The following EXT1 variants were observed in gnomAD, a reference collection of about 807,000 sequenced individuals.
EXT1 encodes the protein exostosin glycosyltransferase 1, also known as exostosin-1.
EXT1 carries 20 observed loss-of-function variants against 82.5 expected under a neutral mutation model. The observed-to-expected ratio is 0.24, with a 90% CI of 0.17 to 0.35. EXT1 has a LOEUF of 0.35. Ranked by LOEUF, EXT1 falls within the 10% of genes least tolerant of loss-of-function variation. The pLI is 1.00. For missense variants in EXT1, 757 were observed against 936.5 expected, an observed-to-expected ratio of 0.81 and a Z score of 2.50; for synonymous variants, 348 against 350.8, an observed-to-expected ratio of 0.99 and a Z score of 0.09.
intron 1 of EXT1, among the ~76,000 whole-genome samples, chr8:118,041,314 A>T (rs1303693005): frequency 6.6e-6 from 1 of 152,200 alleles, no homozygotes; most frequent in African/African-American, 2.4e-5. Context: ...CAACTCCCAT[A>T]TACAACCAGT....
Position 117,933,153 on chromosome 8 carries a change from T to C in EXT1, c.963-95952A>G, listed in dbSNP as rs534916071. Among the ~76,000 whole-genome samples, 6 of 152,346 alleles carry C rather than the reference T, an allele frequency of 3.9e-5. 1 individual carries two copies. The Middle Eastern group carries it at 0.01, about 259-fold the overall frequency. ...CTCTTGAAGAGGTCTTCTGGTCTTT[T>C]AGAACCAGTCAGTTTCTAGCATTCA... is the stretch of plus-strand genomic sequence containing the variant. On this transcript the variant is annotated intron_variant, in intron 1 of 10. Transcript: ENST00000378204.
intron 1 of EXT1, among the ~76,000 whole-genome samples, chr8:118,081,687 G>A (rs187029497): frequency 1.2e-3 from 180 of 152,290 alleles, no homozygotes; most frequent in Admixed American, 1.9e-3. Context: ...GGGAAAAGGG[G>A]ATTACAAAGA....
At chr8:117,974,512 G>A (rs942989721) in intron 1 of EXT1, among the ~76,000 whole-genome samples, 4 of 152,204 alleles carry the variant, frequency 2.6e-5, no homozygotes, top group Admixed American at 2.6e-4. Context: ...CTGTTGCCCA[G>A]GCTAGGGTGC....
chr8:117,874,575 C>CGAAAAAAAAAAAAAAAAAAAAA (rs1812933261), intron 1 of EXT1, among the ~76,000 whole-genome samples: 1 of 69,790 alleles, frequency 1.4e-5, no homozygotes, highest in Non-Finnish European at 2.9e-5. Flanking sequence ...GACTCTGCCT[C>CGAAAAAAAAAAAAAAAAAAAAA]AAAAAAAAAA....
At chr8:117,998,400 C>A (rs1353886839) in intron 1 of EXT1, among the ~76,000 whole-genome samples, 1 of 152,112 alleles carries the variant, frequency 6.6e-6, no homozygotes, top group Admixed American at 6.6e-5. Context: ...GCCTCAAATT[C>A]CTGGGCTCAA....
intron 1 of EXT1, among the ~76,000 whole-genome samples, chr8:117,970,432 A>C (rs984972096): frequency 1.3e-5 from 2 of 151,456 alleles, no homozygotes; most frequent in African/African-American, 4.9e-5. Flanking sequence ...CCTCTTGATT[A>C]GTTGGGATTA....
Position 118,005,088 on chromosome 8 carries a change from G to T in EXT1, c.962+104997C>A, listed in dbSNP as rs1185446539. On this transcript the variant is annotated intron_variant, in intron 1 of 10. Transcript: ENST00000378204. ...GTGATTTGCATGAGATCACAGAGCT[G>T]GAGAGTGGCAGTCAGGACTTGAGGT... is the stretch of plus-strand genomic sequence containing the variant. 6.6e-5 allele frequency among the ~76,000 whole-genome samples: 10 copies of T among 152,174 alleles called. No homozygotes were observed. The East Asian group carries it at 1.7e-3, about 26-fold the overall frequency.
chr8:117,999,493 T>G (rs538839046), intron 1 of EXT1, among the ~76,000 whole-genome samples: 115 of 152,358 alleles, frequency 7.5e-4, no homozygotes, highest in African/African-American at 2.6e-3. Context: ...GATATTCTTT[T>G]GTACTCCTAG....
intron 1 of EXT1, among the ~76,000 whole-genome samples, chr8:118,037,194 A>AAAAT (rs921503574): frequency 6.6e-6 from 1 of 152,164 alleles, no homozygotes; most frequent in African/African-American, 2.4e-5. Flanking sequence ...TAATCTAAGT[A>AAAAT]AAATGTCTGT....
At position 117,853,311 on chromosome 8, in the gene EXT1, G is replaced by C. The variant is rs182029453; in HGVS notation, c.963-16110C>G. 4.9e-3 allele frequency among the ~76,000 whole-genome samples: 741 copies of C among 152,272 alleles called. 4 individuals carry two copies. The highest frequency in any genetic ancestry group is 6.0e-3 in the Non-Finnish European group (405 of 68,024). ...TGTGATCCCAGCACTTGGGGAGGCT[G>C]AGGAGGGCAGATCATTTGAGGTCAG... On this transcript the variant is annotated intron_variant, in intron 1 of 10. Coordinates refer to ENST00000378204, the MANE Select transcript of EXT1 (RefSeq NM_000127.3).
At chr8:118,090,105 G>T (rs1017078264) in intron 1 of EXT1, among the ~76,000 whole-genome samples, 9 of 152,096 alleles carry the variant, frequency 5.9e-5, no homozygotes, top group African/African-American at 1.4e-4. Flanking sequence ...CTGCAGAGAA[G>T]TGTCAACCAA....
intron 1 of EXT1, among the ~76,000 whole-genome samples, chr8:117,850,383 A>T (rs1330611459): frequency 6.6e-6 from 1 of 152,220 alleles, no homozygotes; most frequent in Non-Finnish European, 1.5e-5. Flanking sequence ...AGGCTAAGCA[A>T]AATTTAGGGA....
chr8:117,839,368 T>C (rs184315648), intron 1 of EXT1, among the ~76,000 whole-genome samples: 2 of 152,336 alleles, frequency 1.3e-5, no homozygotes, highest in Admixed American at 6.5e-5. Context: ...AAGAGGAATG[T>C]CCTTTGAGAA....
At chr8:117,822,420 T>A in intron 5 of EXT1, 45 bp downstream of exon 5, 2 of 1,607,078 alleles carry the variant, frequency 1.2e-6, no homozygotes, top group Non-Finnish European at 1.7e-6. Context: ...CTGTATGACA[T>A]CTTCAGGGTA....
intron 9 of EXT1, among the ~76,000 whole-genome samples, chr8:117,805,657 A>G (rs1823226006): frequency 6.6e-6 from 1 of 152,192 alleles, no homozygotes; most frequent in African/African-American, 2.4e-5. Flanking sequence ...GTCAGCCTAA[A>G]TGTTTATGCC....
chr8:117,955,578 CAG>C (rs1337894205), intron 1 of EXT1, among the ~76,000 whole-genome samples: 2 of 152,158 alleles, frequency 1.3e-5, no homozygotes, highest in African/African-American at 4.8e-5. Flanking sequence ...ATTTTTGAGA[CAG>C]AGTCTCACTC....
At chr8:118,057,763 CAGA>C (rs1399954446) in intron 1 of EXT1, among the ~76,000 whole-genome samples, 1 of 151,826 alleles carries the variant, frequency 6.6e-6, no homozygotes, top group Non-Finnish European at 1.5e-5. Context: ...CACCTGAGGT[CAGA>C]AGATCGAGAC....
intron 1 of EXT1, among the ~76,000 whole-genome samples, chr8:117,869,154 T>G (rs1165096602): frequency 1.3e-5 from 2 of 152,182 alleles, no homozygotes; most frequent in Non-Finnish European, 2.9e-5. Context: ...TCCAGACCCA[T>G]GTCCTCCAGT....
chr8:118,084,473 TGCA>T (rs1354247655), intron 1 of EXT1, among the ~76,000 whole-genome samples: 5 of 152,214 alleles, frequency 3.3e-5, no homozygotes, highest in South Asian at 2.1e-4. Flanking sequence ...CAGATTTTCA[TGCA>T]GCAATTCAAC....
Sources: allele counts gnomAD v4.1 joint callset (sites outside exome capture counted in the v4.1 genomes callset), GRCh38; gene constraint gnomAD v4.1.1; transcripts MANE v1.5; gene names NCBI Gene and HGNC (gene_info 2026-07-23, HGNC 2026-07-21).